The following MMP26 variants were observed in gnomAD, a reference collection of about 807,000 sequenced individuals.
MMP26 encodes the protein matrix metalloproteinase-26.
A neutral mutation model predicts 31.0 loss-of-function variants in MMP26; 33 were observed. The ratio of observed to expected loss-of-function variants is 1.06; its 90% CI spans 0.81 to 1.42. The LOEUF (loss-of-function observed/expected upper bound fraction) is 1.42. Ranked by LOEUF, MMP26 falls within the 40% of genes most tolerant of loss-of-function variation. MMP26 has a pLI of 0.00. For synonymous variants in MMP26, 122 were observed against 114.9 expected (o/e 1.06, Z -0.40); for missense variants, 347 against 316.1 (o/e 1.10, Z -0.74).
chr11:4,861,135 A>T (rs1390626757), intron 2 of MMP26, among the ~76,000 whole-genome samples: 1 of 149,340 alleles, frequency 6.7e-6, no homozygotes, highest in Non-Finnish European at 1.5e-5. Flanking sequence ...ATACATATAG[A>T]TACACACAGT....
Position 4,990,715 on chromosome 11 carries a change from T to A in MMP26, c.438T>A (p.Asp146Glu). 6.2e-7 allele frequency: 1 copy of A among 1,614,154 alleles called. No individual in the cohort carries two copies. Among genetic ancestry groups the A allele is most frequent in the Non-Finnish European group, 8.5e-7 (1 of 1,179,996 alleles). The change falls in exon 5 of 8, where the codon GAT (aspartate) becomes GAA (glutamate). Residue 146 changes from aspartate to glutamate, a missense_variant. Coordinates refer to ENST00000380390, the MANE Select transcript of MMP26 (RefSeq NM_021801.5). ...TATTCCAGCAAGTGCAGAATGGAGA[T>A]GCAGACATCAAGGTTTCTTTCTGGC... The part of the protein sequence containing the change: ...PLIFQQVQNG[D>E]ADIKVSFWQW...
intron 1 of MMP26, among the ~76,000 whole-genome samples, chr11:4,729,659 A>C (rs1301265894): frequency 2.6e-5 from 4 of 152,194 alleles, no homozygotes; most frequent in Non-Finnish European, 5.9e-5. Flanking sequence ...CAAGATAATC[A>C]CAGTCCATTC....
At chr11:4,735,940 T>G (rs1456973518) in intron 1 of MMP26, among the ~76,000 whole-genome samples, 3 of 152,192 alleles carry the variant, frequency 2.0e-5, no homozygotes, top group Non-Finnish European at 4.4e-5. Flanking sequence ...TAGTAACATT[T>G]TCATAATATT....
In MMP26 at chr11:4,818,375, A is replaced by G. The variant is rs186348304; in HGVS notation, c.-145+51034A>G. ...CTATTTTATGTACGTCATCAAACAT[A>G]TTATCATAATTGTGCTTACTAGTCA... On this transcript the variant is annotated intron_variant, in intron 2 of 7. Transcript: ENST00000380390. 7.6e-3 allele frequency among the ~76,000 whole-genome samples: 1,146 copies of G among 149,864 alleles called. 8 individuals are homozygous for G. Among genetic ancestry groups the G allele is most frequent in the Non-Finnish European group, 0.011 (751 of 66,664 alleles).
chr11:4,788,221 A>G (rs1198397266), intron 2 of MMP26, among the ~76,000 whole-genome samples: 4 of 152,066 alleles, frequency 2.6e-5, no homozygotes, highest in African/African-American at 9.7e-5. Flanking sequence ...TTCTCAGAAC[A>G]GCTGTGCTAA....
chr11:4,791,755 T>C (rs768706565), intron 2 of MMP26, among the ~76,000 whole-genome samples: 110 of 152,212 alleles, frequency 7.2e-4, no homozygotes, highest in South Asian at 1.0e-3. Context: ...TCAAAAAGTT[T>C]GGGCTCTAGG....
chr11:4,769,566 C>A, intron 2 of MMP26: 1 of 1,612,720 alleles, frequency 6.2e-7, no homozygotes, highest in East Asian at 2.2e-5. Flanking sequence ...GCTGTAGCCA[C>A]CAGCACTCCA....
At chr11:4,865,455 A>T (rs1204380960) in intron 2 of MMP26, among the ~76,000 whole-genome samples, 1 of 152,134 alleles carries the variant, frequency 6.6e-6, no homozygotes, top group Non-Finnish European at 1.5e-5. Flanking sequence ...GAACCAAAAA[A>T]ACTATTTAAA....
intron 2 of MMP26, among the ~76,000 whole-genome samples, chr11:4,827,293 C>G (rs2051786154): frequency 6.6e-6 from 1 of 152,168 alleles, no homozygotes; most frequent in South Asian, 2.1e-4. Context: ...ATTTCTTCTG[C>G]TGTACTGAAA....
chr11:4,909,594 A>G (rs1404658611), intron 2 of MMP26: 1 of 152,172 alleles, frequency 6.6e-6, no homozygotes. Flanking sequence ...TACATATTTT[A>G]AACAAAGTTT....
At chr11:4,951,609 C>A (rs1490018005) in intron 2 of MMP26, among the ~76,000 whole-genome samples, 1 of 123,320 alleles carries the variant, frequency 8.1e-6, no homozygotes. Flanking sequence ...TGTCTGATAC[C>A]ATTTCTCCAA....
chr11:4,883,035 T>C (rs1850502020), intron 2 of MMP26: 1 of 622,350 alleles, frequency 1.6e-6, no homozygotes, highest in African/African-American at 1.8e-5. Context: ...TATCAAAGAG[T>C]TTTATTTTTA....
chr11:4,818,755 C>T (rs1243882141), intron 2 of MMP26, among the ~76,000 whole-genome samples: 3 of 152,108 alleles, frequency 2.0e-5, no homozygotes, highest in Admixed American at 6.5e-5. Context: ...CTGTTTTTCT[C>T]GTTTATGTGT....
At chr11:4,964,099 A>G (rs891041795) in intron 2 of MMP26, among the ~76,000 whole-genome samples, 5 of 152,112 alleles carry the variant, frequency 3.3e-5, no homozygotes, top group African/African-American at 1.2e-4. Context: ...TGCTGTGCAG[A>G]AGCTCTTTAG....
intron 2 of MMP26, among the ~76,000 whole-genome samples, chr11:4,776,374 G>A (rs1000970180): frequency 3.3e-5 from 5 of 151,954 alleles, no homozygotes; most frequent in East Asian, 1.9e-4. Flanking sequence ...CCTTCATACC[G>A]TTTTCCATAG....
At chr11:4,706,985 G>A (rs1443843680) in intron 1 of MMP26, among the ~76,000 whole-genome samples, 1 of 152,152 alleles carries the variant, frequency 6.6e-6, no homozygotes, top group Non-Finnish European at 1.5e-5. Flanking sequence ...TTTGTTGATG[G>A]ACATTTAGGT....
intron 2 of MMP26, chr11:4,849,020 C>T (rs760985899): frequency 1.2e-6 from 2 of 1,614,040 alleles, no homozygotes; most frequent in Non-Finnish European, 1.7e-6. Flanking sequence ...TTGGGCGGTG[C>T]AGGGCGGGCT....
rs149187647 is a variant in MMP26, at chr11:4,962,485, G to A, written c.-144-25583G>A. Among the ~76,000 whole-genome samples, 44 of 152,260 alleles carry A rather than the reference G, an allele frequency of 2.9e-4. No homozygotes were observed. In the East Asian group the frequency reaches 8.3e-3, roughly 29 times the overall value. On this transcript the variant is annotated intron_variant, in intron 2 of 7. Coordinates refer to ENST00000380390, the MANE Select transcript of MMP26 (RefSeq NM_021801.5). ...TGGGTTAGGACAGATGATAGAGGCA[G>A]AAACTCCTAGTGGTCACTGTTGCTT...
intron 2 of MMP26, among the ~76,000 whole-genome samples, chr11:4,928,666 C>T (rs974567266): frequency 3.3e-5 from 5 of 151,732 alleles, no homozygotes; most frequent in African/African-American, 4.8e-5. Flanking sequence ...TTTTTTTTCA[C>T]GTAAGTCTTA....
Sources: gnomAD v4.1 joint callset for allele counts (sites outside exome capture counted in the v4.1 genomes callset) on GRCh38, gnomAD v4.1.1 for gene constraint, MANE v1.5 for transcripts, NCBI Gene and HGNC (gene_info 2026-07-23, HGNC 2026-07-21) for gene names.